PDE1C: variants seen among roughly 807,000 people sequenced by gnomAD.
The protein encoded by PDE1C is dual specificity calcium/calmodulin-dependent 3',5'-cyclic nucleotide phosphodiesterase 1C.
In PDE1C, 62 loss-of-function variants were observed where a neutral mutation model predicts 93.1. The ratio of observed to expected loss-of-function variants is 0.67; its 90% CI spans 0.54 to 0.82. PDE1C has a LOEUF of 0.82. Among genes scored for constraint, PDE1C ranks in the 40% least tolerant of loss-of-function variants. PDE1C has a pLI of 0.00. For missense variants in PDE1C, 742 were observed against 884.6 expected (o/e 0.84, Z 2.04); for synonymous variants, 325 against 310.1 (o/e 1.05, Z -0.50).
At chr7:32,085,863 C>A (rs36142199) in intron 3 of PDE1C, among the ~76,000 whole-genome samples, 83,407 of 137,826 alleles carry the variant, frequency 0.61, 25,983 homozygotes, top group African/African-American at 0.69. Flanking sequence ...TCAAAATAAT[C>A]AGAGCTATCT....
intron 16 of PDE1C, among the ~76,000 whole-genome samples, chr7:31,794,045 C>CAG (rs1162749056): frequency 1.1e-5 from 1 of 89,564 alleles, no homozygotes; most frequent in Non-Finnish European, 2.3e-5. Context: ...GATAGATAGA[C>CAG]AGACAGACAG....
At chr7:31,682,740 G>C in the PDE1C span, among the ~76,000 whole-genome samples, 1 of 152,170 alleles carries the variant, frequency 6.6e-6, no homozygotes, top group Admixed American at 6.5e-5. Flanking sequence ...TTCAGCAGAT[G>C]AATGGGTTAG....
intron 1 of PDE1C, among the ~76,000 whole-genome samples, chr7:32,367,948 A>T (rs1236731888): frequency 6.8e-6 from 1 of 146,782 alleles, no homozygotes; most frequent in East Asian, 2.0e-4. Flanking sequence ...ATCTCTAGTT[A>T]AAAAAAAAAA....
chr7:32,047,016 A>T (rs1792663411), intron 2 of PDE1C, among the ~76,000 whole-genome samples: 1 of 147,744 alleles, frequency 6.8e-6, no homozygotes, highest in African/African-American at 2.5e-5. Context: ...TTAATCCCCT[A>T]TCATACTGAA....
chr7:31,720,185 A>AG, the PDE1C span, among the ~76,000 whole-genome samples: 11 of 149,364 alleles, frequency 7.4e-5, no homozygotes, highest in South Asian at 4.2e-4. Context: ...AAAAAAAAAA[A>AG]AAAAAAAAAA....
At chr7:32,420,143 A>ATATATGTG in intron 1 of PDE1C, among the ~76,000 whole-genome samples, 1 of 41,408 alleles carries the variant, frequency 2.4e-5, no homozygotes, top group African/African-American at 6.9e-5. Context: ...ACACACACAC[A>ATATATGTG]CACACACACA....
At chr7:32,001,946 C>A (rs981653556) in intron 2 of PDE1C, among the ~76,000 whole-genome samples, 1 of 152,136 alleles carries the variant, frequency 6.6e-6, no homozygotes, top group Admixed American at 6.5e-5. Context: ...GTAATCCCAG[C>A]TACTCAGGAA....
At chr7:32,265,499 C>T (rs1810510394) in intron 1 of PDE1C, among the ~76,000 whole-genome samples, 1 of 152,094 alleles carries the variant, frequency 6.6e-6, no homozygotes, top group African/African-American at 2.4e-5. Context: ...ACAGGGTTTG[C>T]CTGAGAGTAA....
intron 2 of PDE1C, among the ~76,000 whole-genome samples, chr7:32,188,369 T>C (rs1804018374): frequency 6.6e-6 from 1 of 152,128 alleles, no homozygotes; most frequent in Admixed American, 6.5e-5. Flanking sequence ...ATACATACGA[T>C]TCATTTATTT....
At chr7:31,707,472 A>T in the PDE1C span, 1 of 576,378 alleles carries the variant, frequency 1.7e-6, no homozygotes, top group Non-Finnish European at 3.1e-6. Flanking sequence ...CTTTCTGAGT[A>T]TGGTTTCTAT....
At chr7:31,980,293 A>G (rs528605859) in intron 2 of PDE1C, among the ~76,000 whole-genome samples, 11 of 152,342 alleles carry the variant, frequency 7.2e-5, no homozygotes, top group African/African-American at 2.4e-4. Flanking sequence ...TATTTTTAGA[A>G]TAATATTTAA....
intron 6 of PDE1C, among the ~76,000 whole-genome samples, chr7:31,870,167 A>C (rs1310476722): frequency 6.6e-6 from 1 of 152,034 alleles, no homozygotes; most frequent in Non-Finnish European, 1.5e-5. Flanking sequence ...AATTCCAAAT[A>C]AACAATCTAA....
chr7:31,986,623 T>C (rs1374290310), intron 2 of PDE1C, among the ~76,000 whole-genome samples: 1 of 151,940 alleles, frequency 6.6e-6, no homozygotes, highest in African/African-American at 2.4e-5. Context: ...GAGAAGGCCA[T>C]GTGAAGCAGG....
intron 17 of PDE1C, among the ~76,000 whole-genome samples, chr7:31,772,809 T>TA (rs1795586628): frequency 6.6e-6 from 1 of 152,240 alleles, no homozygotes; most frequent in African/African-American, 2.4e-5. Context: ...TCACTGGCTG[T>TA]AAAATCAAAG....
the PDE1C span, among the ~76,000 whole-genome samples, chr7:31,691,232 A>T: frequency 6.6e-6 from 1 of 152,228 alleles, no homozygotes; most frequent in Non-Finnish European, 1.5e-5. Context: ...ACATAGAGGA[A>T]GAGACCCTCC....
intron 2 of PDE1C, among the ~76,000 whole-genome samples, chr7:31,946,585 C>T (rs112673308): frequency 6.6e-6 from 1 of 152,300 alleles, no homozygotes; most frequent in African/African-American, 2.4e-5. Flanking sequence ...AAATGCTAAA[C>T]CATCACAGCT....
the PDE1C span, among the ~76,000 whole-genome samples, chr7:31,715,303 A>G: frequency 1.3e-5 from 2 of 152,234 alleles, no homozygotes; most frequent in East Asian, 3.9e-4. Flanking sequence ...CAGTAGCACA[A>G]TCTCAGCTCA....
chr7:32,111,747 G>T (rs544029093), intron 3 of PDE1C, among the ~76,000 whole-genome samples: 1 of 152,160 alleles, frequency 6.6e-6, no homozygotes, highest in Non-Finnish European at 1.5e-5. Context: ...TGTGGAGATT[G>T]GTAGCTCACT....
In PDE1C at chr7:31,873,303, T is replaced by A; in HGVS notation, c.598A>T (p.Ser200Cys). 1 of 1,604,340 alleles carries A rather than the reference T, an allele frequency of 6.2e-7. No homozygotes were observed. The highest frequency in any genetic ancestry group is 2.2e-5 in the East Asian group (1 of 44,748). Residue 200 changes from serine to cysteine, a missense_variant, in exon 6 of 18, where the codon AGC becomes TGC. Physicochemically the swap from Ser to Cys is moderately radical, Grantham distance 112. Around this residue, in one of 4 missense-constraint regions of PDE1C, gnomAD observed 205 missense variants for 295.3 expected, o/e 0.69. Transcript: ENST00000396191. ...YELLTRYDLI[S>C]RFKIPISALV... ...AAAGAGGTACTGACCTTGAAACGGC[T>A]GATCAGATCATAACGTGTGAGTAGT...
Sources: allele counts gnomAD v4.1 joint callset (sites outside exome capture counted in the v4.1 genomes callset), GRCh38; gene constraint gnomAD v4.1.1; regional missense constraint gnomAD v4.1.1; transcripts MANE v1.5; gene names NCBI Gene and HGNC (gene_info 2026-07-23, HGNC 2026-07-21).